The following DMD variants were observed in gnomAD, a reference collection of about 807,000 sequenced individuals.
The protein encoded by DMD is mutant dystrophin.
Under a neutral mutation model 330.1 loss-of-function variants are expected in DMD, and 63 were observed. The ratio of observed to expected loss-of-function variants is 0.19; its 90% confidence interval spans 0.16 to 0.24. The LOEUF is 0.24. Among genes scored for constraint, DMD ranks in the 10% least tolerant of loss-of-function variants. The pLI is 1.00. For missense variants in DMD, 3,344 were observed against 2,684.1 expected (o/e 1.25, Z -5.43); for synonymous variants, 1,223 against 959.8 (o/e 1.27, Z -5.07).
chrX:32,111,293 C>T (rs1031347055), intron 44 of DMD, among the ~76,000 whole-genome samples: 1 of 111,867 alleles, frequency 8.9e-6, no homozygotes, highest in South Asian at 3.7e-4. Context: ...TTCGTTTCTC[C>T]GTGGCTTCTC....
At chrX:31,924,369 T>C (rs958571162) in intron 47 of DMD, among the ~76,000 whole-genome samples, 8 of 112,265 alleles carry the variant, frequency 7.1e-5, no homozygotes, top group Non-Finnish European at 1.3e-4. Flanking sequence ...TGTCATTACA[T>C]AGCAAATACG....
intron 44 of DMD, among the ~76,000 whole-genome samples, chrX:32,072,369 A>G (rs1469071920): frequency 2.7e-5 from 3 of 111,056 alleles, no homozygotes; most frequent in Non-Finnish European, 3.8e-5. Context: ...TTAGGAGGAA[A>G]CTATATAGTG....
chrX:31,139,434 G>A (rs1248224780), intron 76 of DMD, among the ~76,000 whole-genome samples: 4 of 107,837 alleles, frequency 3.7e-5, no homozygotes, highest in Non-Finnish European at 1.9e-5. Context: ...ATCAACCAAC[G>A]AGTGGATAAA....
intron 77 of DMD, among the ~76,000 whole-genome samples, chrX:31,128,467 C>T (rs1244584884): frequency 8.9e-6 from 1 of 111,949 alleles, no homozygotes; most frequent in African/African-American, 3.2e-5. Context: ...CGGCATGTAA[C>T]TTTGGTCTAG....
chrX:31,878,183 T>C (rs1263518915), intron 47 of DMD, among the ~76,000 whole-genome samples: 1 of 112,205 alleles, frequency 8.9e-6, no homozygotes, highest in East Asian at 2.8e-4. Context: ...AAATGATAGC[T>C]TATCATGAGA....
chrX:32,192,135 A>C (rs1370572970), intron 44 of DMD, among the ~76,000 whole-genome samples: 5 of 111,959 alleles, frequency 4.5e-5, no homozygotes, highest in African/African-American at 1.6e-4. Context: ...TATTCTTAAC[A>C]TGGATGCCGG....
chrX:31,766,067 G>A (rs1445346519), intron 51 of DMD, among the ~76,000 whole-genome samples: 1 of 110,794 alleles, frequency 9.0e-6, no homozygotes, highest in East Asian at 2.8e-4. Flanking sequence ...TAAAAGGCAG[G>A]TCCTAAACTT....
chrX:31,522,519 TACATTAGAGGCAAGA>T (rs900806289), intron 55 of DMD, among the ~76,000 whole-genome samples: 10 of 106,267 alleles, frequency 9.4e-5, no homozygotes, highest in African/African-American at 3.2e-4. Flanking sequence ...AGTGAAAAGG[TACATTAGAGGCAAGA>T]ACATTAGAGG....
At chrX:31,838,514 C>A (rs996650017) in intron 48 of DMD, among the ~76,000 whole-genome samples, 1 of 111,943 alleles carries the variant, frequency 8.9e-6, no homozygotes, top group African/African-American at 3.2e-5. Flanking sequence ...CACCACCATT[C>A]ATTTTGTATG....
chrX:32,381,814 G>A (rs185485005), intron 33 of DMD, among the ~76,000 whole-genome samples: 1 of 110,416 alleles, frequency 9.1e-6, no homozygotes, highest in Admixed American at 9.7e-5. Flanking sequence ...ACCCTTGTCT[G>A]TCATGAAGCC....
At chrX:31,576,264 T>C (rs2076092705) in intron 55 of DMD, among the ~76,000 whole-genome samples, 6 of 111,657 alleles carry the variant, frequency 5.4e-5, no homozygotes, top group Admixed American at 3.8e-4. Context: ...CTGGCTTAAA[T>C]CCTAAGTCTT....
intron 60 of DMD, among the ~76,000 whole-genome samples, chrX:31,366,507 AAAAT>A (rs1341460612): frequency 1.7e-4 from 15 of 85,903 alleles, no homozygotes; most frequent in African/African-American, 4.6e-4. Flanking sequence ...CATAAAAAAA[AAAAT>A]AAATAAATAA....
chrX:32,981,284 C>T (rs2092701837), intron 2 of DMD, among the ~76,000 whole-genome samples: 1 of 111,830 alleles, frequency 8.9e-6, no homozygotes, highest in Non-Finnish European at 1.9e-5. Flanking sequence ...TTGTGCTGTC[C>T]ATATTACTTG....
At chrX:31,201,041 C>T (rs1243848548) in intron 67 of DMD, among the ~76,000 whole-genome samples, 1 of 111,360 alleles carries the variant, frequency 9.0e-6, no homozygotes, top group Non-Finnish European at 1.9e-5. Flanking sequence ...GAAAACATTT[C>T]AAGGCTGGAT....
intron 9 of DMD, among the ~76,000 whole-genome samples, chrX:32,647,796 G>T (rs1047180123): frequency 8.9e-6 from 1 of 112,030 alleles, no homozygotes; most frequent in African/African-American, 3.2e-5. Context: ...TATATAAGAA[G>T]TGTTTTGAAG....
At chrX:31,790,288 AG>A (rs1379372690) in intron 50 of DMD, among the ~76,000 whole-genome samples, 5 of 111,314 alleles carry the variant, frequency 4.5e-5, no homozygotes, top group African/African-American at 1.6e-4. Context: ...TATGGGCTGA[AG>A]TTATCAGAGA....
chrX:33,295,460 G>A (rs1451894285), intron 1 of DMD, among the ~76,000 whole-genome samples: 1 of 110,237 alleles, frequency 9.1e-6, no homozygotes, highest in Non-Finnish European at 1.9e-5. Context: ...CATCCCCAAA[G>A]AGACATATAT....
chrX:31,773,857 G>T, intron 51 of DMD, 103 bp downstream of exon 51: 2 of 649,114 alleles, frequency 3.1e-6, no homozygotes, highest in South Asian at 2.4e-5. Context: ...AGAAACAGTT[G>T]CCTAAGAACT....
chrX:31,494,049 C>A (rs2069581791), intron 57 of DMD, among the ~76,000 whole-genome samples: 1 of 106,138 alleles, frequency 9.4e-6, no homozygotes, highest in Non-Finnish European at 1.9e-5. Flanking sequence ...CCCAGCTACT[C>A]GGGAGGCTGA....
Sources: gnomAD v4.1 joint callset for allele counts (sites outside exome capture counted in the v4.1 genomes callset) on GRCh38, gnomAD v4.1.1 for gene constraint, MANE v1.5 for transcripts, NCBI Gene and HGNC (gene_info 2026-07-23, HGNC 2026-07-21) for gene names.